SIGLEC9: variants seen among roughly 807,000 people sequenced by gnomAD.
The protein encoded by SIGLEC9 is sialic acid binding Ig like lectin 9.
SIGLEC9 carries 26 observed loss-of-function variants against 38.3 expected under a neutral mutation model. The observed-to-expected ratio is 0.68, with a 90% CI of 0.50 to 0.94. The LOEUF (loss-of-function observed/expected upper bound fraction) is 0.94. Among genes scored for constraint, SIGLEC9 ranks in the 40% least tolerant of loss-of-function variants. The pLI is 0.00. For synonymous variants in SIGLEC9, 236 were observed against 248.0 expected (o/e 0.95, Z 0.45); for missense variants, 556 against 585.7 (o/e 0.95, Z 0.52).
chr19:51,119,902 G>A, the SIGLEC9 span: 69 of 158,602 alleles, frequency 4.4e-4, 6 homozygotes, highest in South Asian at 3.6e-3. Context: ...CAGACCCAGA[G>A]GGGTCCTGAG....
intron 2 of SIGLEC9, 68 bp from the exon 3 acceptor site, chr19:51,126,013 T>G: frequency 6.3e-7 from 1 of 1,589,298 alleles, no homozygotes; most frequent in Non-Finnish European, 8.6e-7. Flanking sequence ...ATGCGGCTCC[T>G]GGGGACAGAC....
Position 51,136,045 on chromosome 19 carries a change from TC to T in SIGLEC9, c.1289del (p.Pro430GlnfsTer23), listed in dbSNP as rs1296164467. On this transcript the variant is annotated frameshift_variant, in exon 7 of 7. Coordinates refer to the SIGLEC9 transcript ENST00000440804. LOFTEE classifies it high-confidence loss of function. ...TGAATCTCCGTGATCTTTGTTGCCA[TC>T]CAGATTCTGAATTCTATGTCTATCA... 1.4e-6 allele frequency: 1 copy of T among 703,824 alleles called. No homozygotes were observed. The highest frequency in any genetic ancestry group is 2.6e-6 in the Non-Finnish European group (1 of 385,016). The allele number at this position is 703,824 out of a possible 1,614,324, so 43.6% of individuals were successfully genotyped here.
chr19:51,131,609 ATAAATAAG>A (rs2092015639), downstream of SIGLEC9, among the ~76,000 whole-genome samples: 3 of 149,478 alleles, frequency 2.0e-5, no homozygotes, highest in South Asian at 4.3e-4. Flanking sequence ...AAATAAATAA[ATAAATAAG>A]TAAAAAATCA....
chr19:51,129,349 C>T (rs569243447), intron 6 of SIGLEC9, among the ~76,000 whole-genome samples: 26 of 151,386 alleles, frequency 1.7e-4, no homozygotes, highest in Admixed American at 2.6e-4. Flanking sequence ...TTAGTAGAGA[C>T]GGGGTTTCAC....
chr19:51,128,375 T>C, intron 5 of SIGLEC9, 39 bp from the exon 6 acceptor site: 2 of 1,605,922 alleles, frequency 1.2e-6, no homozygotes, highest in Non-Finnish European at 1.7e-6. Context: ...CGCACCCCAA[T>C]CTGACCACAC....
chr19:51,129,450 T>C lies in SIGLEC9; in HGVS notation c.1204-441T>C, dbSNP rs139770116. Among the ~76,000 whole-genome samples, 1,206 of 151,800 alleles carry C rather than the reference T, an allele frequency of 7.9e-3. 6 individuals are homozygous for C. The highest frequency in any genetic ancestry group is 0.013 in the Non-Finnish European group (856 of 67,922). ...CTGGGATTACAGGCGTGAGCCACTGTGACCGGCCACATTCTGACCTTTTAA... is the reference window on the plus strand; with the variant it reads ...CTGGGATTACAGGCGTGAGCCACTGCGACCGGCCACATTCTGACCTTTTAA... On this transcript the variant is annotated intron_variant, in intron 6 of 6. Coordinates refer to ENST00000250360, the MANE Select transcript of SIGLEC9 (RefSeq NM_014441.3).
chr19:51,129,751 G>A, intron 6 of SIGLEC9, 140 bp from the exon 7 acceptor site: 1 of 615,224 alleles, frequency 1.6e-6, no homozygotes, highest in South Asian at 2.2e-5. Context: ...GTTTCACCAT[G>A]TTGGCCAGGC....
chr19:51,127,089 C>T lies in SIGLEC9; in HGVS notation c.808C>T (p.Leu270=). The change falls in exon 4 of 7, where the codon CTG becomes TTG. Residue 270 remains leucine, a synonymous_variant. Coordinates refer to ENST00000250360, the MANE Select transcript of SIGLEC9 (RefSeq NM_014441.3). ...LSLPEGQSLR[L]VCAVDAVDSN... ...ACTCCCAGAGGGCCAGTCTCTGCGCCTGGTCTGTGCAGTTGATGCAGTTGA... is the reference window on the plus strand; with the variant it reads ...ACTCCCAGAGGGCCAGTCTCTGCGCTTGGTCTGTGCAGTTGATGCAGTTGA... 6.2e-7 allele frequency: 1 copy of T among 1,614,232 alleles called. No individual in the cohort carries two copies. Among genetic ancestry groups the T allele is most frequent in the Non-Finnish European group, 8.5e-7 (1 of 1,180,024 alleles).
chr19:51,131,382 T>C (rs903902283), downstream of SIGLEC9, among the ~76,000 whole-genome samples: 2 of 151,846 alleles, frequency 1.3e-5, no homozygotes, highest in Admixed American at 6.6e-5. Flanking sequence ...GGTCAGGAGA[T>C]CGAGACCATC....
At chr19:51,122,699 C>T (rs976908940), upstream of SIGLEC9, 5 of 152,004 alleles carry the variant, frequency 3.3e-5, no homozygotes, top group Non-Finnish European at 7.3e-5. This position sits in a 1 kb window ranked among gnomAD's most constrained non-coding sequence, Gnocchi z 4.1. Context: ...CTGTTTTTTT[C>T]GTCCAGCCCC....
upstream of SIGLEC9, among the ~76,000 whole-genome samples, chr19:51,123,928 C>T (rs141607116): frequency 1.9e-3 from 293 of 152,286 alleles, no homozygotes; most frequent in African/African-American, 6.7e-3. Context: ...TGAAATCCTG[C>T]CCATCGCGGA....
downstream of SIGLEC9, among the ~76,000 whole-genome samples, chr19:51,131,541 G>A (rs1270494775): frequency 1.3e-5 from 2 of 151,514 alleles, no homozygotes; most frequent in African/African-American, 2.4e-5. Flanking sequence ...AGCTGAGATC[G>A]TGCCACTGCA....
intron 3 of SIGLEC9, among the ~76,000 whole-genome samples, chr19:51,126,522 G>A (rs1235979987): frequency 1.3e-5 from 2 of 152,156 alleles, no homozygotes; most frequent in African/African-American, 2.4e-5. Flanking sequence ...GCTCTCCTCC[G>A]ATGCCTGCCC....
chr19:51,125,583 C>T lies in SIGLEC9; in HGVS notation c.422-14C>T. 1 of 1,608,164 alleles carries T rather than the reference C, an allele frequency of 6.2e-7. No homozygotes were observed. Among genetic ancestry groups the T allele is most frequent in the Non-Finnish European group, 8.5e-7 (1 of 1,179,744 alleles). On this transcript the variant is annotated splice_polypyrimidine_tract_variant and intron_variant, in intron 1 of 6. Coordinates refer to ENST00000250360, the MANE Select transcript of SIGLEC9 (RefSeq NM_014441.3). Reference sequence around the variant, plus strand: ...ATCCTCTGACCTGATCCTGAGTCCCCCTCTCTTCACCAGCCTTGACCCACA... The same window carrying T: ...ATCCTCTGACCTGATCCTGAGTCCCTCTCTCTTCACCAGCCTTGACCCACA...
rs755697152 is a variant in SIGLEC9, at chr19:51,129,889, A to T, written c.1204-2A>T. ...GACTCACTTCTCTCTCCCATGTCTC[A>T]GGGGCCCCTGACTGAACCTTGGGCA... is the stretch of plus-strand genomic sequence containing the variant. On this transcript the variant is annotated splice_acceptor_variant, in intron 6 of 6. Coordinates refer to ENST00000250360, the MANE Select transcript of SIGLEC9 (RefSeq NM_014441.3). LOFTEE classifies it high-confidence loss of function. 3.8e-6 allele frequency: 6 copies of T among 1,572,720 alleles called. No individual in the cohort carries two copies. The highest frequency in any genetic ancestry group is 1.2e-5 in the South Asian group (1 of 85,052).
chr19:51,126,614 A>G (rs2091980914), intron 3 of SIGLEC9, among the ~76,000 whole-genome samples: 1 of 152,152 alleles, frequency 6.6e-6, no homozygotes, highest in South Asian at 2.1e-4. Context: ...AGGTGGTTTG[A>G]CGTCCGTAGT....
Position 51,125,399 on chromosome 19 carries a change from A to C in SIGLEC9, c.421+4A>C, listed in dbSNP as rs774010463. The C allele has an allele frequency of 6.3e-7, 1 of 1,575,692 alleles. No individual in the cohort carries two copies. The highest frequency in any genetic ancestry group is 8.6e-7 in the Non-Finnish European group (1 of 1,160,048). Reference sequence around the variant, plus strand: ...CGGCTCTCTGTGAATGTGACAGGTAAGGCACAGGCTCCAGGAAAGGCCACA... The same window carrying C: ...CGGCTCTCTGTGAATGTGACAGGTACGGCACAGGCTCCAGGAAAGGCCACA... On this transcript the variant is annotated splice_donor_region_variant and intron_variant, in intron 1 of 6. Coordinates refer to ENST00000250360, the MANE Select transcript of SIGLEC9 (RefSeq NM_014441.3).
At chr19:51,128,304 C>A in intron 5 of SIGLEC9, 110 bp from the exon 6 acceptor site, 1 of 1,297,254 alleles carries the variant, frequency 7.7e-7, no homozygotes, top group Non-Finnish European at 1.1e-6. Flanking sequence ...ACTGCTTTCC[C>A]ACCTCAGTCA....
upstream of SIGLEC9, among the ~76,000 whole-genome samples, chr19:51,124,099 C>A (rs2091959719): frequency 6.6e-6 from 1 of 152,144 alleles, no homozygotes; most frequent in African/African-American, 2.4e-5. Context: ...GGTGAAGAAA[C>A]CCTTCGTGGT....
Sources: gnomAD v4.1 joint callset for allele counts (sites outside exome capture counted in the v4.1 genomes callset) on GRCh38, gnomAD v4.1.1 for gene constraint, Gnocchi (gnomAD v3.1) non-coding constraint, MANE v1.5 for transcripts, NCBI Gene and HGNC (gene_info 2026-07-23, HGNC 2026-07-21) for gene names.